The following PRSS38 variants were observed in gnomAD, a reference collection of about 807,000 sequenced individuals.
The protein encoded by PRSS38 is marapsin 2.
A neutral mutation model predicts 26.8 loss-of-function variants in PRSS38; 22 were observed. The observed-to-expected ratio is 0.82, with a 90% CI of 0.59 to 1.17. The LOEUF is 1.17. PRSS38 is among the 50% of genes most tolerant of loss of function. The pLI is 0.00. For missense variants in PRSS38, 427 were observed against 422.7 expected, an observed-to-expected ratio of 1.01 and a Z score of -0.09; for synonymous variants, 175 against 172.1, an observed-to-expected ratio of 1.02 and a Z score of -0.13.
chr1:227,846,178 G>A, exon 5 of PRSS38: 1 of 1,612,166 alleles, frequency 6.2e-7, no homozygotes. Flanking sequence ...GCGTCCTAAT[G>A]GCCATGCTGG....
intron 4 of PRSS38, 92 bp from the exon 5 acceptor site, chr1:227,845,862 G>T (rs1665422391): frequency 6.5e-7 from 1 of 1,535,550 alleles, no homozygotes; most frequent in African/African-American, 1.4e-5. Flanking sequence ...AGCAGGGTCT[G>T]CACAGCCACC....
chr1:227,825,300 T>A (rs1171461340), intron 3 of PRSS38, among the ~76,000 whole-genome samples: 1 of 152,208 alleles, frequency 6.6e-6, no homozygotes, highest in East Asian at 1.9e-4. Flanking sequence ...CAAGCAATTG[T>A]CCTGCCTCAG....
intron 3 of PRSS38, among the ~76,000 whole-genome samples, chr1:227,845,246 T>G (rs2102687709): frequency 6.8e-6 from 1 of 146,372 alleles, no homozygotes; most frequent in Non-Finnish European, 1.5e-5. Context: ...CTCCTCCCTA[T>G]GTATAGTGGA....
At chr1:227,840,400 G>A (rs915042955) in intron 3 of PRSS38, among the ~76,000 whole-genome samples, 1 of 152,164 alleles carries the variant, frequency 6.6e-6, no homozygotes, top group Non-Finnish European at 1.5e-5. Context: ...TGGGGTTACA[G>A]GTGAGCCAGT....
chr1:227,838,715 G>A (rs938676254), intron 3 of PRSS38, among the ~76,000 whole-genome samples: 21 of 152,146 alleles, frequency 1.4e-4, no homozygotes, highest in African/African-American at 4.6e-4. Flanking sequence ...TTTGCTTTGA[G>A]CAAGTTAGAT....
At chr1:227,815,938 T>C in intron 1 of PRSS38, 74 bp downstream of exon 1, 1 of 1,522,738 alleles carries the variant, frequency 6.6e-7, no homozygotes, top group Non-Finnish European at 8.9e-7. Context: ...CTGGGCCTCC[T>C]CCCCCATGTC....
chr1:227,844,212 C>T (rs1352083462), intron 3 of PRSS38, among the ~76,000 whole-genome samples: 1 of 152,150 alleles, frequency 6.6e-6, no homozygotes, highest in Non-Finnish European at 1.5e-5. Context: ...GGTTAGTGTT[C>T]CTTCAATATG....
exon 5 of PRSS38, chr1:227,846,204 T>C: frequency 6.2e-7 from 1 of 1,608,832 alleles, no homozygotes; most frequent in Non-Finnish European, 8.5e-7. Flanking sequence ...TGGTCAGTGC[T>C]GTGAGGTCAG....
chr1:227,830,328 G>A (rs527991389), intron 3 of PRSS38, among the ~76,000 whole-genome samples: 1 of 152,040 alleles, frequency 6.6e-6, no homozygotes, highest in Non-Finnish European at 1.5e-5. Context: ...TTAAAGATTT[G>A]ATAGAATTCA....
At chr1:227,832,861 A>C (rs796363055) in intron 3 of PRSS38, among the ~76,000 whole-genome samples, 15 of 152,296 alleles carry the variant, frequency 9.8e-5, no homozygotes, top group African/African-American at 3.1e-4. Context: ...AACACACACA[A>C]AAAAAGTTGT....
intron 3 of PRSS38, among the ~76,000 whole-genome samples, chr1:227,819,481 A>G (rs1664970504): frequency 6.6e-6 from 1 of 152,180 alleles, no homozygotes; most frequent in East Asian, 1.9e-4. Flanking sequence ...ATCCAAAAGT[A>G]TAGGACAAAA....
At chr1:227,819,603 A>C (rs1664971895) in intron 3 of PRSS38, among the ~76,000 whole-genome samples, 1 of 152,236 alleles carries the variant, frequency 6.6e-6, no homozygotes, top group Admixed American at 6.5e-5. Context: ...CCTATCCATA[A>C]ACATGGAATG....
chr1:227,845,363 G>A lies in PRSS38; in HGVS notation c.584-107G>A, dbSNP rs1488292520. ...ATCAGGGCTCCTTCCTACGTATAGTGGGGCTCCTCTCCATGGGCTATCCCC... is the reference window on the plus strand; with the variant it reads ...ATCAGGGCTCCTTCCTACGTATAGTAGGGCTCCTCTCCATGGGCTATCCCC... On this transcript the variant is annotated intron_variant, in intron 3 of 4. Coordinates refer to ENST00000366757, the Ensembl canonical transcript of PRSS38. The A allele has an allele frequency of 1.4e-5, 10 of 727,642 alleles. No homozygotes were observed. The East Asian group carries it at 2.7e-4, about 20-fold the overall frequency. 45.1% of individuals were successfully genotyped at this position (727,642 alleles called of 1,614,324 possible).
chr1:227,820,761 C>A (rs1329003993), intron 3 of PRSS38, among the ~76,000 whole-genome samples: 1 of 152,078 alleles, frequency 6.6e-6, no homozygotes, highest in Non-Finnish European at 1.5e-5. Context: ...GTTGCTTCCT[C>A]TTCTATTTTT....
chr1:227,832,806 T>A (rs1665175189), intron 3 of PRSS38, among the ~76,000 whole-genome samples: 1 of 152,136 alleles, frequency 6.6e-6, no homozygotes, highest in Non-Finnish European at 1.5e-5. Context: ...AAAATCAAAC[T>A]ACGGATAATT....
exon 1 of PRSS38, chr1:227,815,794 C>T (rs1664901135): frequency 1.2e-6 from 2 of 1,612,560 alleles, no homozygotes; most frequent in South Asian, 1.1e-5. Context: ...TGGTGGTGGC[C>T]CCTCCCCGGG....
rs1428155089 is a variant in PRSS38 at position 227,839,130 on chromosome 1, G to T, written c.584-6340G>T. Among the ~76,000 whole-genome samples the T allele has an allele frequency of 3.9e-5, 6 of 152,170 alleles. 1 individual carries two copies. The highest frequency in any genetic ancestry group is 4.1e-4 in the South Asian group (2 of 4,828). ...TGCCAGCCCTAAGGAAGTCAGTGTT[G>T]CCTGAATGCTTTAATAAAACACATC... is the stretch of plus-strand genomic sequence containing the variant. On this transcript the variant is annotated intron_variant, in intron 3 of 4. Transcript: ENST00000366757.
intron 3 of PRSS38, among the ~76,000 whole-genome samples, chr1:227,833,721 T>C (rs1329061986): frequency 1.3e-5 from 2 of 152,150 alleles, no homozygotes; most frequent in Non-Finnish European, 2.9e-5. Flanking sequence ...GAAGGAACAG[T>C]CTGTTCAACA....
chr1:227,829,146 G>A (rs1344810037), intron 3 of PRSS38, among the ~76,000 whole-genome samples: 1 of 152,170 alleles, frequency 6.6e-6, no homozygotes, highest in Non-Finnish European at 1.5e-5. Context: ...TATTTCAGTT[G>A]AAAATGCTGA....
Sources: allele counts gnomAD v4.1 joint callset (sites outside exome capture counted in the v4.1 genomes callset), GRCh38; gene constraint gnomAD v4.1.1; transcripts MANE v1.5; gene names NCBI Gene and HGNC (gene_info 2026-07-23, HGNC 2026-07-21).